Variants in ENTREP2 observed in about 807,000 individuals in gnomAD.
ENTREP2 encodes endosomal transmembrane epsin interactor 2, also known as protein ENTREP2.
At chr15:29,426,380 G>A in the ENTREP2 span, among the ~76,000 whole-genome samples, 1 of 152,122 alleles carries the variant, frequency 6.6e-6, no homozygotes, top group African/African-American at 2.4e-5. Flanking sequence ...TCTGTAGCCT[G>A]CTTTGTCTTG....
At chr15:29,306,664 ATTTTTTTT>A in the ENTREP2 span, among the ~76,000 whole-genome samples, 7 of 77,332 alleles carry the variant, frequency 9.1e-5, no homozygotes, top group East Asian at 7.6e-4. Context: ...ATAATTGGTA[ATTTTTTTT>A]TTTTTTTTTT....
the ENTREP2 span, among the ~76,000 whole-genome samples, chr15:29,281,877 C>T: frequency 1.3e-5 from 2 of 152,120 alleles, no homozygotes; most frequent in African/African-American, 2.4e-5. Context: ...TGAATGTGAG[C>T]GTGAAATGCT....
chr15:29,181,812 A>G, the ENTREP2 span, among the ~76,000 whole-genome samples: 1 of 152,220 alleles, frequency 6.6e-6, no homozygotes, highest in Admixed American at 6.5e-5. Flanking sequence ...GACTGGTAAC[A>G]AAATGGGATT....
the ENTREP2 span, among the ~76,000 whole-genome samples, chr15:29,597,086 CA>C: frequency 4.2e-3 from 607 of 143,830 alleles, 2 homozygotes; most frequent in African/African-American, 7.8e-3. Flanking sequence ...ATCACTCATA[CA>C]AAAAAAAAAA....
chr15:29,267,162 C>T, the ENTREP2 span: 1 of 152,200 alleles, frequency 6.6e-6, no homozygotes, highest in African/African-American at 2.4e-5. Context: ...CACATTCCTC[C>T]ATACTCACTA....
At chr15:29,536,766 A>C in the ENTREP2 span, among the ~76,000 whole-genome samples, 1 of 152,148 alleles carries the variant, frequency 6.6e-6, no homozygotes, top group African/African-American at 2.4e-5. Flanking sequence ...AAAAGGGGAA[A>C]TTTGGACACA....
the ENTREP2 span, chr15:29,124,540 G>A: frequency 1.6e-6 from 1 of 626,328 alleles, no homozygotes; most frequent in Non-Finnish European, 2.8e-6. Flanking sequence ...GAAGAGAAAG[G>A]CCCTCAAAGC....
the ENTREP2 span, among the ~76,000 whole-genome samples, chr15:29,656,388 G>C: frequency 1.3e-5 from 2 of 151,930 alleles, no homozygotes; most frequent in African/African-American, 4.8e-5. Context: ...ACCACAGCCG[G>C]GTAGTTTTTC....
chr15:29,259,373 A>C, the ENTREP2 span, among the ~76,000 whole-genome samples: 1 of 152,190 alleles, frequency 6.6e-6, no homozygotes, highest in East Asian at 1.9e-4. Flanking sequence ...ATATTAACAT[A>C]GATTCTAACA....
the ENTREP2 span, among the ~76,000 whole-genome samples, chr15:29,500,585 A>G: frequency 2.6e-5 from 4 of 152,096 alleles, no homozygotes; most frequent in African/African-American, 9.6e-5. Context: ...CTTTCATATC[A>G]GAGTTTAATC....
chr15:29,662,261 A>G, the ENTREP2 span, among the ~76,000 whole-genome samples: 30,577 of 149,358 alleles, frequency 0.2, 5,517 homozygotes, highest in African/African-American at 0.49. Flanking sequence ...GAAATAAAAT[A>G]CAGCTGCATA....
the ENTREP2 span, among the ~76,000 whole-genome samples, chr15:29,287,216 C>G: frequency 6.6e-6 from 1 of 152,086 alleles, no homozygotes; most frequent in Non-Finnish European, 1.5e-5. Context: ...GCGGCCATTT[C>G]CCCATGGAAT....
chr15:29,352,007 T>C, the ENTREP2 span, among the ~76,000 whole-genome samples: 1 of 152,068 alleles, frequency 6.6e-6, no homozygotes, highest in East Asian at 1.9e-4. Flanking sequence ...CAATCATAAC[T>C]AACTATAACC....
the ENTREP2 span, among the ~76,000 whole-genome samples, chr15:29,406,604 A>C: frequency 6.6e-6 from 1 of 152,150 alleles, no homozygotes; most frequent in Admixed American, 6.5e-5. Context: ...ATATTTTTAA[A>C]AGTATTTCAT....
the ENTREP2 span, among the ~76,000 whole-genome samples, chr15:29,227,162 A>G: frequency 6.6e-6 from 1 of 152,166 alleles, no homozygotes; most frequent in Non-Finnish European, 1.5e-5. Flanking sequence ...CAAGAAACAG[A>G]TTTTCCAAAG....
the ENTREP2 span, among the ~76,000 whole-genome samples, chr15:29,255,574 A>ACC: frequency 6.6e-6 from 1 of 151,996 alleles, no homozygotes; most frequent in African/African-American, 2.4e-5. Flanking sequence ...CCCCACCTTC[A>ACC]CCCATATGTT....
At chr15:29,200,138 T>A in the ENTREP2 span, among the ~76,000 whole-genome samples, 1 of 152,160 alleles carries the variant, frequency 6.6e-6, no homozygotes, top group South Asian at 2.1e-4. Flanking sequence ...AATTAATTCC[T>A]CCCATTTAAT....
the ENTREP2 span, among the ~76,000 whole-genome samples, chr15:29,623,193 CCT>C: frequency 5.3e-5 from 8 of 152,106 alleles, no homozygotes; most frequent in African/African-American, 1.7e-4. Flanking sequence ...GCCGTCTTCC[CCT>C]GACAATGTTT....
chr15:29,513,353 C>T, the ENTREP2 span, among the ~76,000 whole-genome samples: 1 of 152,132 alleles, frequency 6.6e-6, no homozygotes, highest in South Asian at 2.1e-4. Context: ...AAATATGAAG[C>T]CACTAAAAGT....
Sources: allele counts gnomAD v4.1 joint callset (sites outside exome capture counted in the v4.1 genomes callset), GRCh38; gene constraint gnomAD v4.1.1; transcripts MANE v1.5; gene names NCBI Gene and HGNC (gene_info 2026-07-23, HGNC 2026-07-21).